The following SYT2 variants were observed in gnomAD, a reference collection of about 807,000 sequenced individuals.
SYT2 encodes the protein synaptotagmin 2, also known as synaptotagmin-2.
In SYT2, 15 loss-of-function variants were observed where a neutral mutation model predicts 39.9. That is an observed-to-expected ratio of 0.38 (90% CI 0.25 to 0.58). The LOEUF (loss-of-function observed/expected upper bound fraction) is 0.58. Among genes scored for constraint, SYT2 ranks in the 20% least tolerant of loss-of-function variants. The pLI is 0.70. For missense variants in SYT2, 389 were observed against 530.3 expected (o/e 0.73, Z 2.62); for synonymous variants, 181 against 204.5 (o/e 0.89, Z 0.98).
chr1:202,687,666 CAAAAAAAAAA>C (rs59844832), intron 1 of SYT2, among the ~76,000 whole-genome samples: 1 of 83,992 alleles, frequency 1.2e-5, no homozygotes, highest in Non-Finnish European at 2.3e-5. Flanking sequence ...AACTCCATCT[CAAAAAAAAAA>C]AAAAAAAAGA....
chr1:202,671,736 A>G (rs1692593201), intron 1 of SYT2, among the ~76,000 whole-genome samples: 1 of 152,276 alleles, frequency 6.6e-6, no homozygotes, highest in Non-Finnish European at 1.5e-5. Context: ...CCTTACATGC[A>G]GAACAAAACC....
intron 1 of SYT2, among the ~76,000 whole-genome samples, chr1:202,651,917 G>T (rs944019928): frequency 6.6e-6 from 1 of 152,172 alleles, no homozygotes; most frequent in African/African-American, 2.4e-5. Flanking sequence ...AATTAGCTGG[G>T]CATGGTGGTG....
intron 1 of SYT2, among the ~76,000 whole-genome samples, chr1:202,629,323 C>T (rs946109690): frequency 2.6e-5 from 4 of 152,194 alleles, no homozygotes; most frequent in Non-Finnish European, 5.9e-5. Flanking sequence ...TGTCCAGATA[C>T]TGCCAAGGCT....
chr1:202,680,113 C>T (rs1187297424), intron 1 of SYT2, among the ~76,000 whole-genome samples: 3 of 152,194 alleles, frequency 2.0e-5, no homozygotes, highest in Non-Finnish European at 4.4e-5. Flanking sequence ...AAAGGAGGGG[C>T]CATGGCTATT....
chr1:202,625,101 TGTGTGGTGTGTGTGGTATGTGTGTC>T (rs1432041932), intron 1 of SYT2, among the ~76,000 whole-genome samples: 73 of 4,730 alleles, frequency 0.015, no homozygotes, highest in Non-Finnish European at 0.022. Context: ...GTGTGGTATG[TGTGTGGTGTGTGTGGTATGTGTGTC>T]GTGTGTGTGG....
chr1:202,600,876 G>A (rs1303435041), intron 6 of SYT2, among the ~76,000 whole-genome samples: 12 of 152,166 alleles, frequency 7.9e-5, no homozygotes, highest in Admixed American at 7.9e-4. Flanking sequence ...TTAGCCACGT[G>A]TCCACCACCA....
Position 202,601,992 on chromosome 1 carries a change from G to A in SYT2, c.699C>T (p.Ser233=), listed in dbSNP as rs1165485650. Residue 233 remains serine (S), a synonymous_variant, in exon 6 of 9, where the codon TCC becomes TCT. Transcript: ENST00000367268. This position sits in a 1 kb window ranked among gnomAD's most constrained non-coding sequence, Gnocchi z 4.0. ...VMAIYDFDRF[S]KHDIIGEVKV... is the part of the protein sequence containing the mutation. ...TTACCTCTCCAATGATGTCATGTTT[G>A]GAGAAGCGGTCAAAGTCATAGATGG... 1 of 1,614,192 alleles carries A rather than the reference G, an allele frequency of 6.2e-7. No individual in the cohort carries two copies.
chr1:202,635,795 G>A (rs541208615), intron 1 of SYT2, among the ~76,000 whole-genome samples: 1 of 152,316 alleles, frequency 6.6e-6, no homozygotes, highest in Admixed American at 6.5e-5. Flanking sequence ...GCCAAACCAT[G>A]AGGCCCTAAC....
intron 1 of SYT2, among the ~76,000 whole-genome samples, chr1:202,665,142 ACT>A (rs1392717329): frequency 2.0e-5 from 3 of 152,070 alleles, no homozygotes; most frequent in Non-Finnish European, 2.9e-5. Flanking sequence ...GTTCTAAGAA[ACT>A]CTGCTGCCTC....
rs576753600 is a variant in SYT2, at chr1:202,643,664, G to A, written c.-17-37875C>T. On this transcript the variant is annotated intron_variant, in intron 1 of 8. Coordinates refer to ENST00000367268, the MANE Select transcript of SYT2 (RefSeq NM_177402.5). ...CGCCCACGCCTCCCTTCTCCAGTCCGGACTGCCAGCGGAGGGGAAAATGGG... is the reference window on the plus strand; with the variant it reads ...CGCCCACGCCTCCCTTCTCCAGTCCAGACTGCCAGCGGAGGGGAAAATGGG... 3.1e-4 allele frequency among the ~76,000 whole-genome samples: 47 copies of A among 152,356 alleles called. 2 individuals carry two copies. In the East Asian group the frequency reaches 7.0e-3, roughly 23 times the overall value.
At chr1:202,613,270 G>A (rs1165886220) in intron 1 of SYT2, among the ~76,000 whole-genome samples, 12 of 151,640 alleles carry the variant, frequency 7.9e-5, no homozygotes, top group South Asian at 2.1e-4. Flanking sequence ...TAGTAGAGAC[G>A]GGGTTCCACC....
chr1:202,674,306 T>G (rs1351131931), intron 1 of SYT2, among the ~76,000 whole-genome samples: 1 of 152,140 alleles, frequency 6.6e-6, no homozygotes, highest in African/African-American at 2.4e-5. Context: ...TTTGCCATAT[T>G]GGCCAGGCTG....
At chr1:202,701,135 G>C (rs1157694350) in intron 1 of SYT2, among the ~76,000 whole-genome samples, 2 of 152,148 alleles carry the variant, frequency 1.3e-5, no homozygotes, top group Non-Finnish European at 2.9e-5. Flanking sequence ...ATATGTGTGA[G>C]TTTTCCAAAA....
chr1:202,707,728 G>C (rs1654289361), intron 1 of SYT2, among the ~76,000 whole-genome samples: 1 of 152,352 alleles, frequency 6.6e-6, no homozygotes, highest in South Asian at 2.1e-4. Context: ...GCACAGGCCT[G>C]GCGGGGAAGA....
At chr1:202,651,478 T>C (rs1374352760) in intron 1 of SYT2, among the ~76,000 whole-genome samples, 1 of 152,086 alleles carries the variant, frequency 6.6e-6, no homozygotes, top group Non-Finnish European at 1.5e-5. Flanking sequence ...GAAAGGAGGT[T>C]GGGCAGAAGA....
At position 202,598,410 on chromosome 1, in the gene SYT2, C is replaced by T. The variant is rs150423148; in HGVS notation, c.1053+808G>A. Among the ~76,000 whole-genome samples, 42 of 152,334 alleles carry T rather than the reference C, an allele frequency of 2.8e-4. No individual in the cohort carries two copies. The East Asian group carries it at 6.7e-3, about 24-fold the overall frequency. On this transcript the variant is annotated intron_variant, in intron 8 of 8. Transcript: ENST00000367268. ...GACTTCTCTTGGATTAACATTATCA[C>T]TGAGCTGCCCAGTGTTCCCTTGAAG...
At chr1:202,646,751 G>A (rs371352976) in intron 1 of SYT2, among the ~76,000 whole-genome samples, 11 of 152,252 alleles carry the variant, frequency 7.2e-5, no homozygotes, top group Admixed American at 3.9e-4. Flanking sequence ...GGGGAAGACA[G>A]AGGGCTGAAG....
chr1:202,646,721 A>G (rs1251509744), intron 1 of SYT2, among the ~76,000 whole-genome samples: 2 of 152,238 alleles, frequency 1.3e-5, no homozygotes, highest in Non-Finnish European at 2.9e-5. Context: ...CATTCTTGGC[A>G]TAGCAGTGTT....
At chr1:202,646,905 G>A (rs1412274819) in intron 1 of SYT2, among the ~76,000 whole-genome samples, 14 of 152,066 alleles carry the variant, frequency 9.2e-5, no homozygotes, top group Admixed American at 9.2e-4. Context: ...TCTCCCTCTA[G>A]GCTTCCTGGA....
Sources: allele counts gnomAD v4.1 joint callset (sites outside exome capture counted in the v4.1 genomes callset), GRCh38; gene constraint gnomAD v4.1.1; non-coding constraint Gnocchi (gnomAD v3.1); transcripts MANE v1.5; gene names NCBI Gene and HGNC (gene_info 2026-07-23, HGNC 2026-07-21).